The following FBXO33 variants were observed in gnomAD, a reference collection of about 807,000 sequenced individuals.
FBXO33 encodes the protein F-box only protein 33.
Under a neutral mutation model 46.3 loss-of-function variants are expected in FBXO33, and 22 were observed. The observed-to-expected ratio is 0.48, with a 90% CI of 0.34 to 0.68. The LOEUF (loss-of-function observed/expected upper bound fraction) is 0.68, where lower values mean the gene tolerates loss of function less well. FBXO33 is among the 30% of genes least tolerant of loss of function. The pLI, the probability that FBXO33 is intolerant of heterozygous loss-of-function variation, is 0.01. For missense variants in FBXO33, 692 were observed against 708.8 expected, an observed-to-expected ratio of 0.98 and a Z score of 0.27; for synonymous variants, 337 against 291.3, an observed-to-expected ratio of 1.16 and a Z score of -1.60.
At chr14:39,415,513 G>A (rs2075443811) in intron 1 of FBXO33, among the ~76,000 whole-genome samples, 1 of 152,172 alleles carries the variant, frequency 6.6e-6, no homozygotes, top group Non-Finnish European at 1.5e-5. Context: ...TGATTACCAT[G>A]TGGTATATAT....
chr14:39,399,900 A>C, intron 3 of FBXO33, 113 bp from the exon 4 acceptor site: 36 of 1,199,862 alleles, frequency 3.0e-5, no homozygotes, highest in Non-Finnish European at 3.4e-5. Flanking sequence ...TTTGTATCTC[A>C]CTTACCGTTT....
At chr14:39,414,060 A>G (rs930962396) in intron 1 of FBXO33, among the ~76,000 whole-genome samples, 1 of 152,208 alleles carries the variant, frequency 6.6e-6, no homozygotes, top group Non-Finnish European at 1.5e-5. Context: ...TCTAGCTATC[A>G]AAGTCCTAGA....
At chr14:39,406,181 TA>T (rs929453832) in intron 1 of FBXO33, among the ~76,000 whole-genome samples, 1 of 151,660 alleles carries the variant, frequency 6.6e-6, no homozygotes, top group East Asian at 1.9e-4. Flanking sequence ...AAAAGAAAAA[TA>T]AAAAAAATTA....
chr14:39,411,553 C>T (rs1367180909), intron 1 of FBXO33, among the ~76,000 whole-genome samples: 12 of 146,922 alleles, frequency 8.2e-5, no homozygotes, highest in South Asian at 4.6e-4. Flanking sequence ...ACAAGAGTCT[C>T]GCACTGTCAC....
At chr14:39,402,117 G>A (rs976753319) in intron 2 of FBXO33, among the ~76,000 whole-genome samples, 11 of 152,222 alleles carry the variant, frequency 7.2e-5, no homozygotes, top group South Asian at 2.1e-4. Flanking sequence ...ACTTATACCC[G>A]TTTAGTAGAA....
At chr14:39,413,637 A>T (rs2075433993) in intron 1 of FBXO33, among the ~76,000 whole-genome samples, 1 of 152,244 alleles carries the variant, frequency 6.6e-6, no homozygotes, top group African/African-American at 2.4e-5. Context: ...TTAAATGATA[A>T]GACTTGAAAG....
At chr14:39,408,990 T>C (rs555444240) in intron 1 of FBXO33, among the ~76,000 whole-genome samples, 1 of 152,202 alleles carries the variant, frequency 6.6e-6, no homozygotes, top group East Asian at 1.9e-4. Flanking sequence ...TTGTCCAGGC[T>C]GGTCTCGAGC....
At chr14:39,428,314 T>C (rs1036718893) in intron 1 of FBXO33, among the ~76,000 whole-genome samples, 3 of 152,160 alleles carry the variant, frequency 2.0e-5, no homozygotes, top group Non-Finnish European at 4.4e-5. Flanking sequence ...CAAGCGATTC[T>C]ACTGCCTCAG....
chr14:39,432,243 G>A lies in FBXO33; in HGVS notation c.-81C>T, dbSNP rs760798312. Reference sequence around the variant, plus strand: ...AACACAAGTTGTGGAGAGGGGGAAAGGCCTCTGCGGGCGTGGCCTGCCGGG... The same window carrying A: ...AACACAAGTTGTGGAGAGGGGGAAAAGCCTCTGCGGGCGTGGCCTGCCGGG... On this transcript the variant is annotated 5_prime_UTR_variant, in exon 1 of 4. Coordinates refer to ENST00000298097, the MANE Select transcript of FBXO33 (RefSeq NM_203301.4). 3 of 1,101,870 alleles carry A rather than the reference G, an allele frequency of 2.7e-6. No individual in the cohort carries two copies. Among genetic ancestry groups the A allele is most frequent in the Non-Finnish European group, 3.4e-6 (3 of 888,074 alleles). 68.3% of individuals were successfully genotyped at this position (1,101,870 alleles called of 1,614,324 possible). A position where few individuals can be genotyped will look rare whatever the true frequency, so the allele number is the denominator to read the frequency against.
In FBXO33 at chr14:39,397,743, A is replaced by ATATT. The variant is rs1555424933; in HGVS notation, c.*1769_*1772dup. ...AGTCATGCTTCATATACAATAAAAT[A>ATATT]TATTACAATGATCATTTTTAATGCT... On this transcript the variant is annotated 3_prime_UTR_variant, in exon 4 of 4. Transcript: ENST00000298097. The ATATT allele has an allele frequency of 6.5e-6, 1 of 152,700 alleles. No individual in the cohort carries two copies. Among genetic ancestry groups the ATATT allele is most frequent in the African/African-American group, 2.4e-5 (1 of 41,474 alleles). The allele number at this position is 152,700 out of a possible 1,614,324, so 9.5% of individuals were successfully genotyped here. A position where few individuals can be genotyped will look rare whatever the true frequency, so the allele number is the denominator to read the frequency against.
At chr14:39,430,060 T>C (rs1182724622) in intron 1 of FBXO33, among the ~76,000 whole-genome samples, 1 of 152,230 alleles carries the variant, frequency 6.6e-6, no homozygotes, top group South Asian at 2.1e-4. Flanking sequence ...AAAAATCTAA[T>C]TGGTACTCAC....
intron 1 of FBXO33, among the ~76,000 whole-genome samples, chr14:39,406,554 GGA>G (rs1203777298): frequency 2.0e-5 from 3 of 152,190 alleles, no homozygotes; most frequent in Non-Finnish European, 4.4e-5. Context: ...ATTATGGTCT[GGA>G]GAGAGTTTTC....
At chr14:39,425,600 G>A (rs899485178) in intron 1 of FBXO33, among the ~76,000 whole-genome samples, 3 of 152,112 alleles carry the variant, frequency 2.0e-5, no homozygotes, top group Admixed American at 6.5e-5. Flanking sequence ...TCCACTTTCA[G>A]TATCATGTTT....
intron 1 of FBXO33, among the ~76,000 whole-genome samples, chr14:39,423,534 T>C (rs73285597): frequency 0.086 from 13,038 of 152,188 alleles, 1,825 homozygotes; most frequent in African/African-American, 0.3. Flanking sequence ...AATTCAAATG[T>C]CCATCAGCAA....
At chr14:39,425,813 G>A (rs932295241) in intron 1 of FBXO33, among the ~76,000 whole-genome samples, 3 of 152,134 alleles carry the variant, frequency 2.0e-5, no homozygotes, top group African/African-American at 7.2e-5. Flanking sequence ...CTCGAAATGT[G>A]GCTAGTGGAA....
intron 1 of FBXO33, among the ~76,000 whole-genome samples, chr14:39,414,013 G>C (rs912421914): frequency 3.9e-5 from 6 of 152,180 alleles, no homozygotes; most frequent in African/African-American, 1.4e-4. Context: ...GAGTCAGCCT[G>C]TCTTTTGACG....
chr14:39,405,497 G>GT (rs914954912), intron 1 of FBXO33, among the ~76,000 whole-genome samples: 3 of 151,868 alleles, frequency 2.0e-5, no homozygotes, highest in Admixed American at 6.6e-5. Flanking sequence ...GAATTTTTTG[G>GT]GGGGGTGTGG....
At position 39,432,040 on chromosome 14, in the gene FBXO33, C is replaced by A; in HGVS notation, c.123G>T (p.Leu41=). The A allele has an allele frequency of 7.7e-7, 1 of 1,292,326 alleles. No homozygotes were observed. The highest frequency in any genetic ancestry group is 2.4e-5 in the South Asian group (1 of 41,212). 80.1% of individuals were successfully genotyped at this position (1,292,326 alleles called of 1,614,324 possible). A position where few individuals can be genotyped will look rare whatever the true frequency, so the allele number is the denominator to read the frequency against. ...CCGGCCGCCCCCGCAGTACCCGGAG[C>A]AGCCCCCGCAGCCGTCGCAGCTGCT... ...RLQQLRRLRG[L]LRVLRGRPGA... Residue 41 remains leucine, a synonymous_variant, in exon 1 of 4, where the codon CTG becomes CTT. Transcript: ENST00000298097.
intron 1 of FBXO33, among the ~76,000 whole-genome samples, chr14:39,406,041 C>G (rs1475422135): frequency 6.6e-6 from 1 of 151,442 alleles, no homozygotes; most frequent in Non-Finnish European, 1.5e-5. Context: ...CCATATTAGA[C>G]TCCAAAGAAT....
Sources: allele counts gnomAD v4.1 joint callset (sites outside exome capture counted in the v4.1 genomes callset), GRCh38; gene constraint gnomAD v4.1.1; transcripts MANE v1.5; gene names NCBI Gene and HGNC (gene_info 2026-07-23, HGNC 2026-07-21).